The following PRDM5 variants were observed in gnomAD, a reference collection of about 807,000 sequenced individuals.
PRDM5 encodes PR domain zinc finger protein 5.
A neutral mutation model predicts 81.2 loss-of-function variants in PRDM5; 56 were observed. The observed-to-expected ratio is 0.69, with a 90% CI of 0.56 to 0.86. The LOEUF is 0.86. Ranked by LOEUF, PRDM5 falls within the 40% of genes least tolerant of loss-of-function variation. The pLI is 0.00. For missense variants in PRDM5, 697 were observed against 770.1 expected, an observed-to-expected ratio of 0.91 and a Z score of 1.12; for synonymous variants, 267 against 256.4, an observed-to-expected ratio of 1.04 and a Z score of -0.39.
chr4:120,834,651 G>T (rs188841297), intron 3 of PRDM5, among the ~76,000 whole-genome samples: 10 of 152,250 alleles, frequency 6.6e-5, no homozygotes, highest in African/African-American at 2.2e-4. Flanking sequence ...GTGTTTCTGT[G>T]GAGTTGTTTT....
At chr4:120,798,603 A>T (rs150429071) in intron 9 of PRDM5, among the ~76,000 whole-genome samples, 179 bp from the exon 10 acceptor site, 192 of 152,334 alleles carry the variant, frequency 1.3e-3, no homozygotes, top group Non-Finnish European at 2.0e-3. Flanking sequence ...TAAATGAAAT[A>T]TGAGCTTGTT....
intron 5 of PRDM5, 150 bp from the exon 6 acceptor site, chr4:120,817,074 A>C: frequency 1.5e-6 from 1 of 684,772 alleles, no homozygotes; most frequent in Non-Finnish European, 2.6e-6. Context: ...CAGTACCTTA[A>C]CTATAAGCTC....
At chr4:120,806,775 G>A (rs1396340467) in intron 8 of PRDM5, among the ~76,000 whole-genome samples, 1 of 152,148 alleles carries the variant, frequency 6.6e-6, no homozygotes, top group Admixed American at 6.5e-5. Context: ...ATACCATTCA[G>A]GACATAGGCA....
chr4:120,777,585 A>C (rs1255264705), intron 12 of PRDM5, among the ~76,000 whole-genome samples: 1 of 152,146 alleles, frequency 6.6e-6, no homozygotes, highest in Non-Finnish European at 1.5e-5. Context: ...GCAAAAGCAC[A>C]TAATCAAAAT....
At chr4:120,759,325 T>C (rs551113807) in intron 13 of PRDM5, among the ~76,000 whole-genome samples, 20 of 152,320 alleles carry the variant, frequency 1.3e-4, no homozygotes, top group Admixed American at 9.8e-4. Flanking sequence ...AACTATAATG[T>C]GTAGTTTGCA....
In PRDM5 at chr4:120,834,673, A is replaced by C. The variant is rs1002715328; in HGVS notation, c.301-13328T>G. Among the ~76,000 whole-genome samples, 2 of 152,214 alleles carry C rather than the reference A, an allele frequency of 1.3e-5. 1 individual carries two copies. Among genetic ancestry groups the C allele is most frequent in the South Asian group, 4.1e-4 (2 of 4,826 alleles). On this transcript the variant is annotated intron_variant, in intron 3 of 15. Transcript: ENST00000264808. ...TGTGGAGTTGTTTTTAGATGAAATCAACATTTATATCAGTAGAGTAGACTC... is the reference window on the plus strand; with the variant it reads ...TGTGGAGTTGTTTTTAGATGAAATCCACATTTATATCAGTAGAGTAGACTC...
intron 5 of PRDM5, 68 bp downstream of exon 5, chr4:120,818,285 T>G: frequency 2.6e-6 from 4 of 1,527,454 alleles, no homozygotes; most frequent in Non-Finnish European, 3.6e-6. Context: ...TTAAAAACTA[T>G]GAGTTAAGCT....
intron 10 of PRDM5, among the ~76,000 whole-genome samples, chr4:120,795,251 T>C (rs2149274808): frequency 6.6e-6 from 1 of 152,290 alleles, no homozygotes; most frequent in Middle Eastern, 3.4e-3. Flanking sequence ...GGATCCAAGA[T>C]GGTTCACTAC....
chr4:120,870,785 G>A (rs1761705877), intron 2 of PRDM5, among the ~76,000 whole-genome samples: 1 of 152,138 alleles, frequency 6.6e-6, no homozygotes, highest in Non-Finnish European at 1.5e-5. Context: ...CGGTAGCTCA[G>A]CATCACCCCT....
chr4:120,907,052 T>A (rs2148678073), intron 2 of PRDM5, among the ~76,000 whole-genome samples: 1 of 151,744 alleles, frequency 6.6e-6, no homozygotes, highest in African/African-American at 2.4e-5. Context: ...TAAAACATTT[T>A]GGCTGGGCAC....
At chr4:120,744,559 G>C (rs1458966966) in intron 14 of PRDM5, among the ~76,000 whole-genome samples, 2 of 152,074 alleles carry the variant, frequency 1.3e-5, no homozygotes, top group African/African-American at 4.8e-5. Context: ...AAAAAAGAGA[G>C]AAGAATCAAA....
At chr4:120,911,527 T>C (rs1766509474) in intron 1 of PRDM5, among the ~76,000 whole-genome samples, 1 of 152,234 alleles carries the variant, frequency 6.6e-6, no homozygotes, top group Non-Finnish European at 1.5e-5. Flanking sequence ...ACAGTAACTT[T>C]TAATAAACAA....
chr4:120,786,374 A>G (rs1180087145), intron 10 of PRDM5, among the ~76,000 whole-genome samples: 1 of 152,114 alleles, frequency 6.6e-6, no homozygotes, highest in East Asian at 1.9e-4. Flanking sequence ...TTAAAATGAC[A>G]GCATGGAAAT....
chr4:120,871,385 G>A lies in PRDM5; in HGVS notation c.178-17845C>T, dbSNP rs73843637. ...TTCTGGGTATGGCTCCCTGTGGCACGTCAGATGTTTATCAACTTCCAGGTC... is the reference window on the plus strand; with the variant it reads ...TTCTGGGTATGGCTCCCTGTGGCACATCAGATGTTTATCAACTTCCAGGTC... On this transcript the variant is annotated intron_variant, in intron 2 of 15. Transcript: ENST00000264808. Among the ~76,000 whole-genome samples the A allele has an allele frequency of 2.4e-3, 369 of 152,214 alleles. 1 individual carries two copies. Among genetic ancestry groups the A allele is most frequent in the African/African-American group, 8.7e-3 (362 of 41,532 alleles).
intron 2 of PRDM5, among the ~76,000 whole-genome samples, chr4:120,877,540 C>T (rs1441701560): frequency 6.6e-6 from 1 of 152,176 alleles, no homozygotes; most frequent in African/African-American, 2.4e-5. Context: ...TGCGGTGGCT[C>T]ACGCCTGTAA....
intron 14 of PRDM5, among the ~76,000 whole-genome samples, chr4:120,727,359 T>C (rs1739578791): frequency 6.6e-6 from 1 of 152,032 alleles, no homozygotes; most frequent in Admixed American, 6.5e-5. Context: ...CATAAGGTAA[T>C]GAAAAAGGTT....
chr4:120,775,546 C>T (rs892920659), intron 13 of PRDM5, among the ~76,000 whole-genome samples: 1 of 151,964 alleles, frequency 6.6e-6, no homozygotes, highest in African/African-American at 2.4e-5. Flanking sequence ...AATGTAAGTC[C>T]CTACCTTTTA....
intron 14 of PRDM5, among the ~76,000 whole-genome samples, chr4:120,731,081 C>T (rs932127840): frequency 6.6e-6 from 1 of 152,200 alleles, no homozygotes; most frequent in African/African-American, 2.4e-5. Context: ...TAAAGCCCTG[C>T]TATTTACACT....
chr4:120,815,735 TA>T (rs945625184), intron 7 of PRDM5, among the ~76,000 whole-genome samples: 1 of 152,178 alleles, frequency 6.6e-6, no homozygotes, highest in Non-Finnish European at 1.5e-5. Flanking sequence ...CAGGGTTTCA[TA>T]AATCTCAACC....
Sources: gnomAD v4.1 joint callset for allele counts (sites outside exome capture counted in the v4.1 genomes callset) on GRCh38, gnomAD v4.1.1 for gene constraint, MANE v1.5 for transcripts, NCBI Gene and HGNC (gene_info 2026-07-23, HGNC 2026-07-21) for gene names.